ABCC6: variants seen among roughly 807,000 people sequenced by gnomAD.
ABCC6 encodes ATP-binding cassette sub-family C member 6.
ABCC6 carries 126 observed loss-of-function variants against 169.5 expected under a neutral mutation model. The observed-to-expected ratio is 0.74, with a 90% CI of 0.64 to 0.86. The LOEUF (loss-of-function observed/expected upper bound fraction) is 0.86, where lower values mean the gene tolerates loss of function less well. Among genes scored for constraint, ABCC6 ranks in the 40% least tolerant of loss-of-function variants. ABCC6 has a pLI of 0.00. For synonymous variants in ABCC6, 752 were observed against 814.7 expected, an observed-to-expected ratio of 0.92 and a Z score of 1.31; for missense variants, 1,733 against 1,927.2, an observed-to-expected ratio of 0.90 and a Z score of 1.89.
At chr16:16,208,672 A>G (rs2048481463) in intron 7 of ABCC6, 56 bp downstream of exon 7, 2 of 1,613,004 alleles carry the variant, frequency 1.2e-6, no homozygotes, top group East Asian at 2.2e-5. Flanking sequence ...GCACCCGGCC[A>G]ATGATGAGCT....
At chr16:16,194,431 G>C (rs1412725145) in intron 10 of ABCC6, among the ~76,000 whole-genome samples, 2 of 152,216 alleles carry the variant, frequency 1.3e-5, no homozygotes, top group Non-Finnish European at 2.9e-5. Flanking sequence ...TGAATGTCCT[G>C]TGTTTTCTCT....
intron 10 of ABCC6, among the ~76,000 whole-genome samples, chr16:16,196,209 CAA>C (rs35287964): frequency 4.6e-5 from 6 of 131,624 alleles, no homozygotes; most frequent in African/African-American, 1.2e-4. Context: ...GACTCTGTCT[CAA>C]AAAAAAAAAA....
chr16:16,221,505 T>C, intron 2 of ABCC6, 144 bp downstream of exon 2: 1 of 1,484,298 alleles, frequency 6.7e-7, no homozygotes, highest in Non-Finnish European at 9.0e-7. Flanking sequence ...CTCTGTAGCC[T>C]TTCTAATATT....
intron 9 of ABCC6, among the ~76,000 whole-genome samples, chr16:16,199,820 C>T (rs1261375576): frequency 2.0e-5 from 3 of 150,128 alleles, no homozygotes; most frequent in African/African-American, 2.4e-5. Flanking sequence ...GTAATCCCAG[C>T]ACTTTGGGAG....
intron 12 of ABCC6, among the ~76,000 whole-genome samples, chr16:16,189,900 T>C (rs181304441): frequency 6.6e-6 from 1 of 152,260 alleles, no homozygotes; most frequent in Admixed American, 6.5e-5. Context: ...CCTGCATCTG[T>C]ACCCTCCTCC....
chr16:16,158,790 C>G (rs1395952647), intron 26 of ABCC6, among the ~76,000 whole-genome samples: 2 of 152,106 alleles, frequency 1.3e-5, no homozygotes, highest in African/African-American at 4.8e-5. Context: ...ATGTTGCCAT[C>G]ATGTTACTAT....
intron 13 of ABCC6, among the ~76,000 whole-genome samples, chr16:16,187,608 G>A (rs2152266886): frequency 6.6e-6 from 1 of 152,356 alleles, no homozygotes. Context: ...TTAAAATAGA[G>A]ATTAGGCCAG....
chr16:16,190,402 G>A (rs747111910), intron 11 of ABCC6, 35 bp from the exon 12 acceptor site: 3 of 1,611,410 alleles, frequency 1.9e-6, no homozygotes, highest in Admixed American at 1.7e-5. Context: ...ATGAAGACAG[G>A]GACAGTTGAG....
In ABCC6 at chr16:16,185,125, C is replaced by T. The variant is rs566695800; in HGVS notation, c.1868-91G>A. 1.8e-5 allele frequency: 22 copies of T among 1,215,946 alleles called. No individual in the cohort carries two copies. In the South Asian group the frequency reaches 2.5e-4, roughly 14 times the overall value. The allele number at this position is 1,215,946 out of a possible 1,614,324, so 75.3% of individuals were successfully genotyped here. A position where few individuals can be genotyped will look rare whatever the true frequency, so the allele number is the denominator to read the frequency against. ...CCCCAGGCACCATCCCCCGCCCCCC[C>T]CAGGGGCAGAGGCTGCAGGAAGAAA... On this transcript the variant is annotated intron_variant, in intron 14 of 30. Transcript: ENST00000205557.
intron 11 of ABCC6, 22 bp downstream of exon 11, chr16:16,192,808 G>A (rs369846103): frequency 6.9e-6 from 11 of 1,602,718 alleles, no homozygotes; most frequent in South Asian, 4.4e-5. Context: ...TGCCTGGTCC[G>A]TCCCTTTCCC....
intron 8 of ABCC6, 95 bp downstream of exon 8, chr16:16,203,315 T>C: frequency 6.4e-7 from 1 of 1,569,250 alleles, no homozygotes; most frequent in Non-Finnish European, 8.7e-7. Flanking sequence ...ACCAGACGTA[T>C]AGGCAGAGGC....
intron 4 of ABCC6, among the ~76,000 whole-genome samples, chr16:16,216,476 A>G (rs1596765693): frequency 1.3e-5 from 2 of 150,718 alleles, no homozygotes; most frequent in South Asian, 4.2e-4. Flanking sequence ...GGCTTATTTC[A>G]CTTAACATCC....
At chr16:16,156,647 C>T (rs1371628633) in intron 27 of ABCC6, among the ~76,000 whole-genome samples, 1 of 152,032 alleles carries the variant, frequency 6.6e-6, no homozygotes, top group Non-Finnish European at 1.5e-5. Context: ...GTCATTCATG[C>T]TGATAAAGGT....
chr16:16,217,650 C>A (rs896513767), intron 4 of ABCC6, among the ~76,000 whole-genome samples: 2 of 152,220 alleles, frequency 1.3e-5, no homozygotes, highest in Non-Finnish European at 1.5e-5. Flanking sequence ...ATGGTTGGAA[C>A]CCCAGAATGT....
At chr16:16,152,479 G>A (rs561920407) in intron 29 of ABCC6, among the ~76,000 whole-genome samples, 31 of 152,152 alleles carry the variant, frequency 2.0e-4, no homozygotes, top group Admixed American at 1.2e-3. Context: ...GCTGTGTGAC[G>A]TCAGGCAAGC....
chr16:16,197,404 G>T (rs952836323), intron 10 of ABCC6, among the ~76,000 whole-genome samples: 1 of 151,748 alleles, frequency 6.6e-6, no homozygotes, highest in African/African-American at 2.4e-5. Flanking sequence ...GACAGGATTG[G>T]AGGAGGAGGA....
chr16:16,156,272 G>A (rs1212568070), intron 27 of ABCC6, among the ~76,000 whole-genome samples: 1 of 152,210 alleles, frequency 6.6e-6, no homozygotes, highest in Non-Finnish European at 1.5e-5. Flanking sequence ...AAGCAAGGCA[G>A]TGCTGCTCAT....
Position 16,163,052 on chromosome 16 carries a change from C to T in ABCC6, c.3447G>A (p.Gln1149=), listed in dbSNP as rs1418961577. The T allele has an allele frequency of 5.0e-6, 8 of 1,613,942 alleles. No individual in the cohort carries two copies. The highest frequency in any genetic ancestry group is 5.9e-6 in the Non-Finnish European group (7 of 1,180,042). The change falls in exon 24 of 31, where the codon CAG becomes CAA. Residue 1149 remains glutamine (Q), a synonymous_variant. Coordinates refer to ENST00000205557, the MANE Select transcript of ABCC6 (RefSeq NM_001171.6). The part of the protein sequence containing the change: ...AFRTQAPFVA[Q]NNARVDESQR... ...GGCTTTCATCTACGCGAGCATTGTT[C>T]TGAGCCACAAAGGGGGCCTGGGTTC...
intron 14 of ABCC6, 29 bp from the exon 15 acceptor site, chr16:16,185,063 A>G: frequency 6.2e-7 from 1 of 1,604,728 alleles, no homozygotes; most frequent in South Asian, 1.1e-5. Flanking sequence ...CATTTACAGG[A>G]GACCCCTGAC....
Sources: allele counts gnomAD v4.1 joint callset (sites outside exome capture counted in the v4.1 genomes callset), GRCh38; gene constraint gnomAD v4.1.1; transcripts MANE v1.5; gene names NCBI Gene and HGNC (gene_info 2026-07-23, HGNC 2026-07-21).